Variants in PCDHA7 observed in about 807,000 individuals in gnomAD.
The protein encoded by PCDHA7 is protocadherin alpha 7.
A neutral mutation model predicts 57.2 loss-of-function variants in PCDHA7; 37 were observed. The observed-to-expected ratio is 0.65, with a 90% CI of 0.50 to 0.85. The LOEUF is 0.85. Ranked by LOEUF, PCDHA7 falls within the 40% of genes least tolerant of loss-of-function variation. The pLI is 0.00. For missense variants in PCDHA7, 1,188 were observed against 1,241.8 expected, an observed-to-expected ratio of 0.96 and a Z score of 0.65; for synonymous variants, 553 against 558.8, an observed-to-expected ratio of 0.99 and a Z score of 0.15.
chr5:140,907,087 G>A (rs1554192866), intron 1 of PCDHA7, among the ~76,000 whole-genome samples: 2 of 152,194 alleles, frequency 1.3e-5, no homozygotes, highest in Non-Finnish European at 2.9e-5. Flanking sequence ...GTGATGGTAA[G>A]TGGTGCCACT....
intron 1 of PCDHA7, chr5:140,857,507 G>A (rs782043318): frequency 1.3e-6 from 2 of 1,598,186 alleles, no homozygotes; most frequent in South Asian, 1.1e-5. Context: ...GCAGGAGAAC[G>A]CCCTGGTGTC....
At chr5:140,840,330 G>A (rs1554137772) in intron 1 of PCDHA7, among the ~76,000 whole-genome samples, 1 of 151,878 alleles carries the variant, frequency 6.6e-6, no homozygotes, top group African/African-American at 2.4e-5. Flanking sequence ...TCATTTTCTA[G>A]GCAATGTTAG....
intron 1 of PCDHA7, among the ~76,000 whole-genome samples, chr5:140,937,072 C>G (rs1321046541): frequency 7.0e-6 from 1 of 143,792 alleles, no homozygotes; most frequent in East Asian, 2.0e-4. Flanking sequence ...GAGTCTCGCT[C>G]TGTCGCCCAG....
At chr5:141,007,891 T>G (rs2098350311) in intron 3 of PCDHA7, among the ~76,000 whole-genome samples, 1 of 152,232 alleles carries the variant, frequency 6.6e-6, no homozygotes, top group Admixed American at 6.5e-5. Flanking sequence ...CTTTAAAAAT[T>G]TATTGTTCTT....
chr5:140,843,136 G>A lies in PCDHA7; in HGVS notation c.2355+6398G>A, dbSNP rs2150353697. 16 of 1,596,026 alleles carry A rather than the reference G, an allele frequency of 1.0e-5. 4 individuals are homozygous for A. Among genetic ancestry groups the A allele is most frequent in the South Asian group, 2.2e-5 (2 of 90,518 alleles). ...TGGACGCCGACTCGGGCTACAACGCGTGGCTTTCGTATGAGCTGCAGCCAG... is the reference window on the plus strand; with the variant it reads ...TGGACGCCGACTCGGGCTACAACGCATGGCTTTCGTATGAGCTGCAGCCAG... On this transcript the variant is annotated intron_variant, in intron 1 of 3. Transcript: ENST00000525929.
intron 1 of PCDHA7, chr5:140,877,658 T>G: frequency 6.2e-7 from 1 of 1,613,486 alleles, no homozygotes. Context: ...CCGCCCACCG[T>G]GAGCCGGTGC....
intron 1 of PCDHA7, among the ~76,000 whole-genome samples, chr5:140,941,439 G>A (rs187782763): frequency 1.3e-5 from 2 of 149,420 alleles, no homozygotes; most frequent in East Asian, 2.0e-4. Context: ...CCTCAGCCTC[G>A]GGAGTAGCTG....
chr5:140,927,209 A>G, intron 1 of PCDHA7: 2 of 1,614,092 alleles, frequency 1.2e-6, no homozygotes, highest in Non-Finnish European at 1.7e-6. Context: ...GACCCGCTGG[A>G]GCTGCACAAG....
intron 1 of PCDHA7, among the ~76,000 whole-genome samples, chr5:140,911,760 A>G (rs1295639313): frequency 6.6e-6 from 1 of 151,962 alleles, no homozygotes; most frequent in African/African-American, 2.4e-5. Flanking sequence ...TCTCCATACT[A>G]TTAGAAGTAC....
chr5:141,001,022 T>C (rs2097984457), intron 3 of PCDHA7, among the ~76,000 whole-genome samples: 1 of 152,250 alleles, frequency 6.6e-6, no homozygotes, highest in Non-Finnish European at 1.5e-5. Context: ...TATACACTTA[T>C]AATAATAGCT....
chr5:140,968,962 C>T (rs1554231271), intron 1 of PCDHA7: 29 of 1,614,056 alleles, frequency 1.8e-5, no homozygotes, highest in Non-Finnish European at 2.2e-5. Context: ...TCAAGTGCTA[C>T]CGCTACACTG....
At chr5:140,883,547 G>GC in intron 1 of PCDHA7, 5 of 1,614,234 alleles carry the variant, frequency 3.1e-6, no homozygotes, top group Non-Finnish European at 3.4e-6. Context: ...GGTGGTGACC[G>GC]CGCGGGACGG....
chr5:140,876,094 C>T lies in PCDHA7; in HGVS notation c.2355+39356C>T, dbSNP rs782479233. 13 of 1,613,808 alleles carry T rather than the reference C, an allele frequency of 8.1e-6. No homozygotes were observed. In the Admixed American group the frequency reaches 1.5e-4, roughly 19 times the overall value. On this transcript the variant is annotated intron_variant, in intron 1 of 3. Transcript: ENST00000525929. ...ATTGGACAGAGAGCAAACGCCAAAA[C>T]TCAATTTATTGCTGATGGTAATCGA...
At chr5:140,959,428 A>AT (rs2095488424) in intron 1 of PCDHA7, among the ~76,000 whole-genome samples, 1 of 152,102 alleles carries the variant, frequency 6.6e-6, no homozygotes, top group Non-Finnish European at 1.5e-5. Context: ...GAATTTGTGT[A>AT]TTTTTTTCTA....
chr5:140,842,938 C>T (rs2150348159), intron 1 of PCDHA7: 14 of 1,594,434 alleles, frequency 8.8e-6, no homozygotes, highest in South Asian at 5.5e-5. Context: ...GCGCGCGCGA[C>T]GCGGGCGTGC....
At chr5:140,908,822 C>G (rs2074167872) in intron 1 of PCDHA7, among the ~76,000 whole-genome samples, 1 of 152,136 alleles carries the variant, frequency 6.6e-6, no homozygotes, top group African/African-American at 2.4e-5. Flanking sequence ...TTTTGGGTTA[C>G]TCGATAAATG....
chr5:140,999,139 C>T lies in PCDHA7; in HGVS notation c.2504-10488C>T, dbSNP rs185453971. 2.6e-3 allele frequency among the ~76,000 whole-genome samples: 401 copies of T among 152,236 alleles called. 3 individuals carry two copies. The highest frequency in any genetic ancestry group is 5.8e-3 in the South Asian group (28 of 4,818). On this transcript the variant is annotated intron_variant, in intron 3 of 3. Coordinates refer to ENST00000525929, the MANE Select transcript of PCDHA7 (RefSeq NM_018910.3). ...TTTCTAAGCTGGAAAATGTCACAGCCGGAAGTCTTCAGTCCCCTAGAAGGA... is the reference window on the plus strand; with the variant it reads ...TTTCTAAGCTGGAAAATGTCACAGCTGGAAGTCTTCAGTCCCCTAGAAGGA...
chr5:140,860,946 C>A (rs1196605227), intron 1 of PCDHA7: 8 of 152,212 alleles, frequency 5.3e-5, no homozygotes, highest in African/African-American at 1.9e-4. Context: ...ACCGTGTTAG[C>A]CAGGATGGTC....
chr5:140,877,668 C>A (rs782433528), intron 1 of PCDHA7: 58 of 1,613,452 alleles, frequency 3.6e-5, no homozygotes, highest in Admixed American at 5.0e-5. Flanking sequence ...TGAGCCGGTG[C>A]GCGCCGGGCA....
Sources: gnomAD v4.1 joint callset for allele counts (sites outside exome capture counted in the v4.1 genomes callset) on GRCh38, gnomAD v4.1.1 for gene constraint, MANE v1.5 for transcripts, NCBI Gene and HGNC (gene_info 2026-07-23, HGNC 2026-07-21) for gene names.